ATP9A: variants seen among roughly 807,000 people sequenced by gnomAD.
ATP9A encodes the protein ATPase phospholipid transporting 9A.
Under a neutral mutation model 144.1 loss-of-function variants are expected in ATP9A, and 52 were observed. That is an observed-to-expected ratio of 0.36 (90% CI 0.29 to 0.45). The LOEUF (loss-of-function observed/expected upper bound fraction) is 0.45, where lower values mean the gene tolerates loss of function less well. ATP9A is among the 20% of genes least tolerant of loss of function. The pLI is 1.00. For missense variants in ATP9A, 947 were observed against 1,392.7 expected (o/e 0.68, Z 5.09); for synonymous variants, 582 against 557.4 (o/e 1.04, Z -0.62).
chr20:51,637,306 TAAAAAA>T (rs3029335), intron 15 of ATP9A, among the ~76,000 whole-genome samples: 10 of 89,946 alleles, frequency 1.1e-4, no homozygotes, highest in African/African-American at 2.0e-4. Context: ...TCCCTAACAT[TAAAAAA>T]AAAAAAAAAA....
Position 51,610,086 on chromosome 20 carries a change from G to A in ATP9A, c.2636+15C>T, listed in dbSNP as rs769522977. ...GGTTTTGTAAACAATTAATTCCTTG[G>A]CAGGATTTCCTTACCCAATGATGAG... is the stretch of plus-strand genomic sequence containing the variant. On this transcript the variant is annotated intron_variant, in intron 24 of 27. Transcript: ENST00000338821. The A allele has an allele frequency of 6.4e-7, 1 of 1,569,970 alleles. No individual in the cohort carries two copies. Among genetic ancestry groups the A allele is most frequent in the Non-Finnish European group, 8.8e-7 (1 of 1,140,580 alleles).
chr20:51,749,017 G>C (rs2077820395), intron 1 of ATP9A, among the ~76,000 whole-genome samples: 1 of 151,984 alleles, frequency 6.6e-6, no homozygotes, highest in Admixed American at 6.6e-5. Context: ...GTGGTAGACT[G>C]GCTAAACAAA....
chr20:51,736,312 C>T (rs1261254701), intron 1 of ATP9A, among the ~76,000 whole-genome samples: 1 of 152,204 alleles, frequency 6.6e-6, no homozygotes, highest in Admixed American at 6.5e-5. Context: ...TTACTCCATA[C>T]ACAGTGTGGA....
rs775552014 is a variant in ATP9A, at chr20:51,618,832, CG to C, written c.2206-27del. 3.8e-6 allele frequency: 6 copies of C among 1,577,356 alleles called. No individual in the cohort carries two copies. In the South Asian group the frequency reaches 5.9e-5, roughly 15 times the overall value. ...CTGCAGGGTGGAGGGAGAGGTGGTGCGTTGGTGGAGGGAGAGGTGGTGCGTT... is the reference window on the plus strand; with the variant it reads ...CTGCAGGGTGGAGGGAGAGGTGGTGCTTGGTGGAGGGAGAGGTGGTGCGTT... On this transcript the variant is annotated intron_variant, in intron 20 of 27. Coordinates refer to ENST00000338821, the MANE Select transcript of ATP9A (RefSeq NM_006045.3).
At chr20:51,760,926 G>A (rs1225878907) in intron 1 of ATP9A, among the ~76,000 whole-genome samples, 3 of 151,934 alleles carry the variant, frequency 2.0e-5, no homozygotes, top group Admixed American at 6.6e-5. Flanking sequence ...CTACTTGGGA[G>A]GCTGAAGCAG....
intron 1 of ATP9A, among the ~76,000 whole-genome samples, chr20:51,753,454 AAACAACAACAACAACAAC>A (rs11472926): frequency 1.3e-5 from 2 of 149,084 alleles, no homozygotes; most frequent in Admixed American, 6.7e-5. Flanking sequence ...CCGTCTCAAA[AAACAACAACAACAACAAC>A]AACAACAACA....
chr20:51,738,536 T>C (rs2077772056), intron 1 of ATP9A, among the ~76,000 whole-genome samples: 1 of 150,414 alleles, frequency 6.6e-6, no homozygotes, highest in Non-Finnish European at 1.5e-5. Context: ...AAACCCTGTC[T>C]CTACTAAAAA....
At position 51,768,312 on chromosome 20, in the gene ATP9A, G is replaced by A; in HGVS notation, c.58C>T (p.Pro20Ser). Residue 20 changes from proline (P) to serine (S), a missense_variant, in exon 1 of 28, where the codon CCC becomes TCC. This residue lies in a region of ATP9A where 770 missense variants were observed against 1,047.9 expected (regional missense o/e 0.73). Transcript: ENST00000338821. The part of the protein sequence containing the change: ...VRQKKRMDSR[P>S]RAGCCEWLRC... ...CCCAGGCCCACTCACCCGGCGCGGG[G>A]CCTGCTGTCCATCCGCTTCTTCTGG... 2 of 1,309,344 alleles carry A rather than the reference G, an allele frequency of 1.5e-6. No individual in the cohort carries two copies. Among genetic ancestry groups the A allele is most frequent in the East Asian group, 3.2e-5 (1 of 31,350 alleles). The allele number at this position is 1,309,344 out of a possible 1,614,324, so 81.1% of individuals were successfully genotyped here.
intron 1 of ATP9A, among the ~76,000 whole-genome samples, chr20:51,767,216 C>G (rs998210404): frequency 6.6e-6 from 1 of 152,032 alleles, no homozygotes; most frequent in African/African-American, 2.4e-5. Flanking sequence ...ACCAGACGCC[C>G]GAGGAAGGGC....
chr20:51,651,233 T>C (rs149907246), intron 14 of ATP9A, among the ~76,000 whole-genome samples: 2,909 of 112,332 alleles, frequency 0.026, 124 homozygotes, highest in African/African-American at 0.081. Context: ...TAAATTATTA[T>C]TTACATAATA....
chr20:51,675,597 A>G (rs1428864835), intron 10 of ATP9A, among the ~76,000 whole-genome samples: 7 of 152,198 alleles, frequency 4.6e-5, no homozygotes, highest in Non-Finnish European at 1.0e-4. Flanking sequence ...AGCACAAAAA[A>G]TGCTGGGCGC....
chr20:51,710,002 T>A (rs183281074), intron 4 of ATP9A, among the ~76,000 whole-genome samples: 202 of 152,176 alleles, frequency 1.3e-3, no homozygotes, highest in Non-Finnish European at 2.4e-3. Context: ...GAAAAGAACA[T>A]TTTAAGACCT....
intron 15 of ATP9A, among the ~76,000 whole-genome samples, chr20:51,631,655 T>C (rs1456973889): frequency 1.3e-5 from 2 of 152,146 alleles, no homozygotes; most frequent in African/African-American, 2.4e-5. Flanking sequence ...GTGGCATTGT[T>C]TGGGGGCCTC....
At chr20:51,720,782 C>T (rs79691544) in intron 3 of ATP9A, among the ~76,000 whole-genome samples, 24 of 152,108 alleles carry the variant, frequency 1.6e-4, no homozygotes, top group Non-Finnish European at 2.5e-4. Context: ...TACAGTGAGC[C>T]GATATCGCGC....
At chr20:51,673,607 C>G (rs372394347) in intron 11 of ATP9A, among the ~76,000 whole-genome samples, 12 of 152,220 alleles carry the variant, frequency 7.9e-5, no homozygotes, top group African/African-American at 2.9e-4. Context: ...TAAATGGCAT[C>G]CCTAGCATAG....
chr20:51,762,787 G>A (rs992994905), intron 1 of ATP9A, among the ~76,000 whole-genome samples: 11 of 131,474 alleles, frequency 8.4e-5, no homozygotes, highest in Admixed American at 2.7e-4. Context: ...AGGGTTTACC[G>A]CCACCTACGC....
At chr20:51,752,859 T>C (rs1362738111) in intron 1 of ATP9A, among the ~76,000 whole-genome samples, 1 of 152,152 alleles carries the variant, frequency 6.6e-6, no homozygotes, top group Non-Finnish European at 1.5e-5. Context: ...TCCCAGCAGT[T>C]TGGGAGGCCA....
rs548126717 is a variant in ATP9A, at chr20:51,749,444, G to A, written c.68+18858C>T. Among the ~76,000 whole-genome samples the A allele has an allele frequency of 2.0e-3, 311 of 152,008 alleles. 4 individuals are homozygous for A. The highest frequency in any genetic ancestry group is 7.1e-3 in the African/African-American group (293 of 41,498). On this transcript the variant is annotated intron_variant, in intron 1 of 27. Transcript: ENST00000338821. ...CCATGCCCAGCTAAGTTTGCTATTT[G>A]TAGTAGAGACAGTTTCACCATGTTG...
intron 23 of ATP9A, among the ~76,000 whole-genome samples, chr20:51,612,019 T>TA (rs2077186682): frequency 6.6e-6 from 1 of 152,226 alleles, no homozygotes; most frequent in African/African-American, 2.4e-5. Context: ...TCTCACAAAT[T>TA]AAAATATCAC....
Sources: allele counts gnomAD v4.1 joint callset (sites outside exome capture counted in the v4.1 genomes callset), GRCh38; gene constraint gnomAD v4.1.1; regional missense constraint gnomAD v4.1.1; transcripts MANE v1.5; gene names NCBI Gene and HGNC (gene_info 2026-07-23, HGNC 2026-07-21).